Variants in SMAP1 observed in about 807,000 individuals in gnomAD.
SMAP1 encodes the protein stromal membrane-associated protein 1.
SMAP1 carries 24 observed loss-of-function variants against 58.5 expected under a neutral mutation model. That is an observed-to-expected ratio of 0.41 (90% CI 0.30 to 0.58). The LOEUF is 0.58. Among genes scored for constraint, SMAP1 ranks in the 20% least tolerant of loss-of-function variants. The pLI is 0.29. For missense variants in SMAP1, 563 were observed against 566.3 expected (o/e 0.99, Z 0.06); for synonymous variants, 216 against 196.6 (o/e 1.10, Z -0.82).
chr6:70,745,718 T>G (rs1301750481), intron 2 of SMAP1, among the ~76,000 whole-genome samples: 1 of 152,214 alleles, frequency 6.6e-6, no homozygotes, highest in Non-Finnish European at 1.5e-5. Flanking sequence ...AAGAAAGTCA[T>G]TGGTAGCTTG....
At chr6:70,736,568 T>G (rs758002556) in intron 2 of SMAP1, among the ~76,000 whole-genome samples, 2 of 152,248 alleles carry the variant, frequency 1.3e-5, no homozygotes, top group Non-Finnish European at 2.9e-5. Context: ...TAGTTATTAA[T>G]GTTTAGCATT....
At chr6:70,712,796 TC>T (rs1390014231) in intron 1 of SMAP1, among the ~76,000 whole-genome samples, 24 of 149,392 alleles carry the variant, frequency 1.6e-4, no homozygotes, top group African/African-American at 6.0e-4. Flanking sequence ...TTTTTTCTTT[TC>T]TTTTTTTTTT....
chr6:70,850,830 AC>A (rs1206305630), intron 7 of SMAP1, among the ~76,000 whole-genome samples: 5 of 152,140 alleles, frequency 3.3e-5, no homozygotes, highest in Non-Finnish European at 7.4e-5. Context: ...TTTATAATGT[AC>A]TATACATCAT....
At chr6:70,855,112 C>CATATACATATACATATACATATACATATA (rs1771356429) in intron 8 of SMAP1, among the ~76,000 whole-genome samples, 1 of 51,700 alleles carries the variant, frequency 1.9e-5, no homozygotes, top group African/African-American at 7.1e-5. Context: ...ATACATATAC[C>CATATACATATACATATACATATACATATA]AACAGTACCT....
At chr6:70,793,841 T>C (rs537945536) in intron 5 of SMAP1, among the ~76,000 whole-genome samples, 20 of 152,170 alleles carry the variant, frequency 1.3e-4, no homozygotes, top group Admixed American at 7.2e-4. Flanking sequence ...TTCAAGCAAT[T>C]CTTCTGCCTC....
At chr6:70,674,217 A>G (rs1766386745) in intron 1 of SMAP1, among the ~76,000 whole-genome samples, 1 of 151,770 alleles carries the variant, frequency 6.6e-6, no homozygotes, top group Non-Finnish European at 1.5e-5. Flanking sequence ...GGTTCAAGCA[A>G]TCCTCCCACC....
intron 2 of SMAP1, among the ~76,000 whole-genome samples, chr6:70,739,486 G>A (rs534421577): frequency 5.9e-5 from 9 of 151,946 alleles, no homozygotes; most frequent in African/African-American, 1.7e-4. Flanking sequence ...TCCTTTGCTC[G>A]GTGTTTGATA....
At chr6:70,771,676 A>C (rs1247058430) in intron 3 of SMAP1, among the ~76,000 whole-genome samples, 1 of 152,106 alleles carries the variant, frequency 6.6e-6, no homozygotes, top group Non-Finnish European at 1.5e-5. Context: ...TGACTAGGAA[A>C]GGGAACTCCC....
At chr6:70,772,530 A>C (rs1156496188) in intron 3 of SMAP1, among the ~76,000 whole-genome samples, 4 of 152,188 alleles carry the variant, frequency 2.6e-5, no homozygotes, top group Non-Finnish European at 5.9e-5. Flanking sequence ...AGCTCATGTC[A>C]CTAAAGAGGT....
At chr6:70,796,284 A>G (rs1207720577) in intron 5 of SMAP1, among the ~76,000 whole-genome samples, 7 of 152,350 alleles carry the variant, frequency 4.6e-5, no homozygotes, top group Middle Eastern at 3.4e-3. Context: ...AACAGCAATA[A>G]TAAATATCAA....
chr6:70,754,855 A>G (rs1766419297), intron 2 of SMAP1, 125 bp from the exon 3 acceptor site: 1 of 504,964 alleles, frequency 2.0e-6, no homozygotes, highest in South Asian at 3.3e-5. Flanking sequence ...TTATATTTCT[A>G]AGGAGAATAT....
At chr6:70,731,124 A>G (rs573554190) in intron 1 of SMAP1, among the ~76,000 whole-genome samples, 1 of 152,320 alleles carries the variant, frequency 6.6e-6, no homozygotes, top group East Asian at 1.9e-4. Context: ...GATATCTCTT[A>G]CTATATACAT....
Position 70,861,671 on chromosome 6 carries a change from C to CAA in SMAP1, c.*1338_*1339dup, listed in dbSNP as rs1562211018. ...CCAGTTGCTGCTTCAATTTATACCT[C>CAA]AATTTTCACTGTGTCCAGGTGGTAC... On this transcript the variant is annotated 3_prime_UTR_variant, in exon 11 of 11. Transcript: ENST00000370455. 6.2e-7 allele frequency: 1 copy of CAA among 1,613,502 alleles called. No homozygotes were observed. The highest frequency in any genetic ancestry group is 8.5e-7 in the Non-Finnish European group (1 of 1,179,486).
intron 3 of SMAP1, among the ~76,000 whole-genome samples, chr6:70,771,513 C>G (rs1767309759): frequency 6.6e-6 from 1 of 152,318 alleles, no homozygotes; most frequent in African/African-American, 2.4e-5. Context: ...GATTGCTGTG[C>G]CAGCAATCAG....
rs1767029119 is a variant in SMAP1 at position 70,767,188 on chromosome 6, C to T, written c.339-6162C>T. Reference sequence around the variant, plus strand: ...TTTGAAGTCAGGTAGCGTGATGCCTCCAGCTTTGTTCTTTTGGCTTAGGAT... The same window carrying T: ...TTTGAAGTCAGGTAGCGTGATGCCTTCAGCTTTGTTCTTTTGGCTTAGGAT... On this transcript the variant is annotated intron_variant, in intron 3 of 10. Coordinates refer to ENST00000370455, the MANE Select transcript of SMAP1 (RefSeq NM_001044305.3). 2.0e-5 allele frequency among the ~76,000 whole-genome samples: 3 copies of T among 151,934 alleles called. No homozygotes were observed. In the South Asian group the frequency reaches 6.2e-4, roughly 32 times the overall value.
rs1771232531 is a variant in SMAP1 at position 70,852,632 on chromosome 6, C to A, written c.757C>A (p.Pro253Thr). Residue 253 changes from proline (P) to threonine (T), a missense_variant, in exon 8 of 11, where the codon CCC becomes ACC. Physicochemically the swap from Pro to Thr is conservative, Grantham distance 38. Around this residue, in one of 3 missense-constraint regions of SMAP1, gnomAD observed 494 missense variants for 473.8 expected, o/e 1.04. Transcript: ENST00000370455. ...LDIFGPMISNPLPATVMPPAQ... is the reference protein window; with the variant it reads ...LDIFGPMISNTLPATVMPPAQ... Reference sequence around the variant, plus strand: ...CATCTTTGGACCGATGATTTCTAATCCCTTACCTGCAACTGTCATGCCCCC... The same window carrying A: ...CATCTTTGGACCGATGATTTCTAATACCTTACCTGCAACTGTCATGCCCCC... 6.2e-7 allele frequency: 1 copy of A among 1,608,650 alleles called. No individual in the cohort carries two copies. The highest frequency in any genetic ancestry group is 1.3e-5 in the African/African-American group (1 of 74,750).
At chr6:70,725,317 C>T (rs571570815) in intron 1 of SMAP1, among the ~76,000 whole-genome samples, 13 of 151,820 alleles carry the variant, frequency 8.6e-5, no homozygotes, top group African/African-American at 2.7e-4. Context: ...GGGGTTTCAC[C>T]GTGTTAACCA....
intron 1 of SMAP1, among the ~76,000 whole-genome samples, chr6:70,729,315 T>A (rs1461996202): frequency 6.6e-6 from 1 of 151,712 alleles, no homozygotes; most frequent in Non-Finnish European, 1.5e-5. Flanking sequence ...GGCGGGCGCC[T>A]GTAGTCCCAG....
chr6:70,670,748 T>A (rs1448743125), intron 1 of SMAP1, among the ~76,000 whole-genome samples: 4 of 152,226 alleles, frequency 2.6e-5, no homozygotes, highest in Non-Finnish European at 2.9e-5. Context: ...CTTCTTCCAC[T>A]GATCTTTGAG....
Sources: allele counts gnomAD v4.1 joint callset (sites outside exome capture counted in the v4.1 genomes callset), GRCh38; gene constraint gnomAD v4.1.1; regional missense constraint gnomAD v4.1.1; transcripts MANE v1.5; gene names NCBI Gene and HGNC (gene_info 2026-07-23, HGNC 2026-07-21).